Variants in ZNF721 observed in about 807,000 individuals in gnomAD.
ZNF721 encodes the protein zinc finger protein 721.
ZNF721 carries 2 observed loss-of-function variants against 2.4 expected under a neutral mutation model. That is an observed-to-expected ratio of 0.82 (90% CI 0.34 to 2.58). ZNF721 has a LOEUF of 2.58. Among genes scored for constraint, ZNF721 ranks in the 30% most tolerant of loss-of-function variants. The probability of loss-of-function intolerance (pLI) is 0.11; values close to 1 mark genes in which losing one functional copy is unlikely to be tolerated. For synonymous variants in ZNF721, 398 were observed against 381.8 expected (o/e 1.04, Z -0.50); for missense variants, 1,187 against 1,085.5 (o/e 1.09, Z -1.31).
At chr4:447,811 A>G (rs1023355580) in intron 2 of ZNF721, among the ~76,000 whole-genome samples, 1 of 147,534 alleles carries the variant, frequency 6.8e-6, no homozygotes, top group African/African-American at 2.6e-5. Flanking sequence ...GCCATTAAAC[A>G]ATAATAAAAA....
rs782431996 is a variant in ZNF721 at position 444,240 on chromosome 4, G to A, written c.227C>T (p.Thr76Ile). 1 of 1,613,666 alleles carries A rather than the reference G, an allele frequency of 6.2e-7. No individual in the cohort carries two copies. The highest frequency in any genetic ancestry group is 1.7e-5 in the Admixed American group (1 of 59,996). Residue 76 changes from threonine (T) to isoleucine (I), a missense_variant, in exon 3 of 3, where the codon ACT (threonine) becomes ATT (isoleucine). Coordinates refer to ENST00000511833, the MANE Select transcript of ZNF721 (RefSeq NM_133474.4). ...ATTACATTGAAATATTTTGCTCTGA[G>A]TATTTGACAAGCATTTATTAATTCC... The part of the protein sequence containing the change: ...YNGINKCLSN[T>I]QSKIFQCNAR...
intron 1 of ZNF721, among the ~76,000 whole-genome samples, chr4:484,752 C>T (rs1290233944): frequency 6.6e-6 from 1 of 152,138 alleles, no homozygotes; most frequent in African/African-American, 2.4e-5. Flanking sequence ...CAGTGGTGCC[C>T]GAAACTTCTT....
chr4:458,745 C>A (rs1419717924), intron 2 of ZNF721, among the ~76,000 whole-genome samples: 2 of 152,082 alleles, frequency 1.3e-5, no homozygotes, highest in Non-Finnish European at 2.9e-5. Flanking sequence ...ACCCAGGAGG[C>A]TAAGGCAGGA....
intron 1 of ZNF721, among the ~76,000 whole-genome samples, chr4:495,118 G>A (rs1318377967): frequency 2.6e-5 from 4 of 151,836 alleles, no homozygotes; most frequent in Non-Finnish European, 2.9e-5. Context: ...TCCTGACCTC[G>A]TGATCCGCCC....
intron 2 of ZNF721, among the ~76,000 whole-genome samples, chr4:452,943 G>C (rs551947654): frequency 6.6e-6 from 1 of 152,324 alleles, no homozygotes; most frequent in South Asian, 2.1e-4. Flanking sequence ...GACCAAAGGG[G>C]ATACTGCTTT....
At chr4:470,085 C>T (rs1341493163) in intron 2 of ZNF721, among the ~76,000 whole-genome samples, 6 of 152,054 alleles carry the variant, frequency 3.9e-5, no homozygotes, top group East Asian at 1.9e-4. Flanking sequence ...GGTTTCACCA[C>T]GTTAGCCAGG....
chr4:472,126 A>C lies in ZNF721; in HGVS notation c.34+449T>G, dbSNP rs564043682. ...CTCCCAGACAGGAGTTCAATGGCGCAATCTCGGCTCACTGCAACCTCTGCC... is the reference window on the plus strand; with the variant it reads ...CTCCCAGACAGGAGTTCAATGGCGCCATCTCGGCTCACTGCAACCTCTGCC... On this transcript the variant is annotated intron_variant, in intron 2 of 2. Coordinates refer to ENST00000511833, the MANE Select transcript of ZNF721 (RefSeq NM_133474.4). 2.6e-5 allele frequency among the ~76,000 whole-genome samples: 4 copies of C among 152,328 alleles called. No individual in the cohort carries two copies. In the South Asian group the frequency reaches 8.3e-4, roughly 32 times the overall value.
intron 1 of ZNF721, among the ~76,000 whole-genome samples, chr4:481,998 T>A (rs1838040): frequency 0.99 from 151,441 of 152,368 alleles, 75,269 homozygotes; most frequent in Middle Eastern, 1. Flanking sequence ...AAAGGCATTA[T>A]ATATAATTTT....
At chr4:449,450 A>G (rs1209281942) in intron 2 of ZNF721, among the ~76,000 whole-genome samples, 1 of 152,174 alleles carries the variant, frequency 6.6e-6, no homozygotes, top group African/African-American at 2.4e-5. Flanking sequence ...TCAATCACAA[A>G]TAAAGATTTA....
rs782815383 is a variant in ZNF721 at position 442,342 on chromosome 4, A to G, written c.2125T>C (p.Ser709Pro). 1 of 1,613,930 alleles carries G rather than the reference A, an allele frequency of 6.2e-7. No individual in the cohort carries two copies. The highest frequency in any genetic ancestry group is 1.1e-5 in the South Asian group (1 of 91,076). The change falls in exon 3 of 3, where the codon TCA (serine) becomes CCA (proline). Residue 709 changes from serine (S) to proline (P), a missense_variant. Physicochemically the swap from Ser to Pro is moderately conservative, Grantham distance 74. Transcript: ENST00000511833. ...CTCCTATGTGTAGTAAGGTTTCTTG[A>G]CCTACTAAAGGCTTTGCCACACTCT... ...CEECGKAFSR[S>P]RNLTTHRRVH... is the part of the protein sequence containing the mutation.
chr4:473,360 C>G (rs1033919540), intron 1 of ZNF721, among the ~76,000 whole-genome samples: 9 of 152,060 alleles, frequency 5.9e-5, no homozygotes, highest in African/African-American at 1.9e-4. Context: ...GAGTCCCTTA[C>G]CCCAACACAA....
At chr4:498,215 GAAAAA>G (rs797042296) in intron 1 of ZNF721, among the ~76,000 whole-genome samples, 12 of 83,940 alleles carry the variant, frequency 1.4e-4, no homozygotes, top group African/African-American at 1.7e-4. Flanking sequence ...AAAAGAAAAA[GAAAAA>G]AAAAAAAAAA....
At position 442,118 on chromosome 4, in the gene ZNF721, A is replaced by G. The variant is rs564127195; in HGVS notation, c.2349T>C (p.Cys783=). ...ACGTAATGACTTTGCCACATTCCTT[A>G]CATTTGTAGGGTTTCTTTCCAGTAT... ...KIHTGKKPYK[C]KECGKVITSS... is the part of the protein sequence containing the mutation. The change falls in exon 3 of 3, where the codon TGT becomes TGC. Residue 783 remains cysteine, a synonymous_variant. Transcript: ENST00000511833. 3.2e-5 allele frequency: 51 copies of G among 1,613,850 alleles called. No homozygotes were observed. In the South Asian group the frequency reaches 5.6e-4, roughly 18 times the overall value.
intron 2 of ZNF721, among the ~76,000 whole-genome samples, chr4:464,954 A>G (rs1307099447): frequency 4.6e-5 from 7 of 151,796 alleles, no homozygotes; most frequent in Non-Finnish European, 1.0e-4. Flanking sequence ...GTGTGGTGGC[A>G]GGTGCCTGCA....
intron 1 of ZNF721, among the ~76,000 whole-genome samples, chr4:480,491 C>A (rs1715744744): frequency 6.6e-6 from 1 of 152,080 alleles, no homozygotes; most frequent in Admixed American, 6.6e-5. Context: ...TTGCAGCAAA[C>A]CTCTAGAACT....
intron 1 of ZNF721, among the ~76,000 whole-genome samples, chr4:480,986 G>C (rs1287688448): frequency 1.3e-5 from 2 of 152,110 alleles, no homozygotes; most frequent in African/African-American, 4.8e-5. Context: ...GCAGTGGTGT[G>C]ATAATGGTCA....
intron 1 of ZNF721, among the ~76,000 whole-genome samples, chr4:475,119 G>A (rs1363555293): frequency 3.9e-5 from 6 of 151,950 alleles, no homozygotes; most frequent in African/African-American, 1.5e-4. Flanking sequence ...CCCAGGAGAC[G>A]GAGCTTCTTG....
In ZNF721 at chr4:442,110, C is replaced by T. The variant is rs782130229; in HGVS notation, c.2357G>A (p.Cys786Tyr). The change falls in exon 3 of 3, where the codon TGT becomes TAT. Residue 786 changes from cysteine to tyrosine, a missense_variant. Transcript: ENST00000511833. ...TGAGGATGACGTAATGACTTTGCCA[C>T]ATTCCTTACATTTGTAGGGTTTCTT... is the stretch of plus-strand genomic sequence containing the variant. ...TGKKPYKCKECGKVITSSSSF... is the reference protein window; with the variant it reads ...TGKKPYKCKEYGKVITSSSSF... 2 of 1,613,906 alleles carry T rather than the reference C, an allele frequency of 1.2e-6. No individual in the cohort carries two copies. The highest frequency in any genetic ancestry group is 2.2e-5 in the South Asian group (2 of 91,082).
At chr4:484,501 T>C (rs1471428478) in intron 1 of ZNF721, among the ~76,000 whole-genome samples, 3 of 152,318 alleles carry the variant, frequency 2.0e-5, no homozygotes, top group Non-Finnish European at 4.4e-5. Flanking sequence ...GAAATATCGC[T>C]GAATTCTTTA....
Sources: allele counts gnomAD v4.1 joint callset (sites outside exome capture counted in the v4.1 genomes callset), GRCh38; gene constraint gnomAD v4.1.1; transcripts MANE v1.5; gene names NCBI Gene and HGNC (gene_info 2026-07-23, HGNC 2026-07-21).